Variants in PTPRK observed in about 807,000 individuals in gnomAD.
PTPRK encodes the protein protein tyrosine phosphatase receptor type K, also known as receptor-type tyrosine-protein phosphatase kappa.
In PTPRK, 75 loss-of-function variants were observed where a neutral mutation model predicts 178.0. That is an observed-to-expected ratio of 0.42 (90% CI 0.35 to 0.51). The LOEUF is 0.51. Ranked by LOEUF, PTPRK falls within the 20% of genes least tolerant of loss-of-function variation. PTPRK has a pLI of 0.02. For missense variants in PTPRK, 1,441 were observed against 1,797.8 expected (o/e 0.80, Z 3.59); for synonymous variants, 637 against 620.6 (o/e 1.03, Z -0.39).
At chr6:128,245,267 A>AAAG (rs59766496) in intron 3 of PTPRK, among the ~76,000 whole-genome samples, 15,330 of 152,196 alleles carry the variant, frequency 0.1, 1,710 homozygotes, top group East Asian at 0.34. Flanking sequence ...TTCTCAAGAA[A>AAAG]AAGAAGACAC....
In PTPRK at chr6:128,218,895, C is replaced by T. The variant is rs201410664; in HGVS notation, c.868+27G>A. On this transcript the variant is annotated intron_variant, in intron 6 of 29. Transcript: ENST00000368226. ...TTGTTCTAATAAAGCCATGCAATTT[C>T]GTGAAGTGAAAACAATTTCACCTTA... 6.5e-4 allele frequency: 1,022 copies of T among 1,561,910 alleles called. 9 individuals are homozygous for T. In the South Asian group the frequency reaches 0.011, roughly 17 times the overall value.
intron 3 of PTPRK, among the ~76,000 whole-genome samples, chr6:128,258,158 C>G (rs1355556055): frequency 6.6e-6 from 1 of 152,062 alleles, no homozygotes; most frequent in Non-Finnish European, 1.5e-5. Context: ...ATTTTATTCT[C>G]TTTAAGAAAT....
chr6:128,082,758 C>G, intron 9 of PTPRK, 120 bp from the exon 10 acceptor site: 1 of 666,354 alleles, frequency 1.5e-6, no homozygotes, highest in Non-Finnish European at 2.4e-6. Context: ...TAATTTTTTT[C>G]TTCTTTTCTT....
intron 1 of PTPRK, among the ~76,000 whole-genome samples, chr6:128,457,836 C>A (rs1324923027): frequency 6.6e-6 from 1 of 152,138 alleles, no homozygotes; most frequent in Non-Finnish European, 1.5e-5. Context: ...GCCTGATCTT[C>A]ATAAGGTACT....
At chr6:128,042,701 C>T (rs1049095274) in intron 13 of PTPRK, among the ~76,000 whole-genome samples, 4 of 152,048 alleles carry the variant, frequency 2.6e-5, no homozygotes, top group African/African-American at 7.2e-5. Flanking sequence ...AACATCTTTA[C>T]AGCATCTGGG....
intron 1 of PTPRK, among the ~76,000 whole-genome samples, chr6:128,420,058 C>T (rs1198693567): frequency 6.6e-6 from 1 of 152,146 alleles, no homozygotes. Context: ...TGTATAAGAT[C>T]TACTATATTG....
intron 1 of PTPRK, among the ~76,000 whole-genome samples, chr6:128,435,297 A>G (rs569889495): frequency 6.6e-6 from 1 of 152,346 alleles, no homozygotes; most frequent in Non-Finnish European, 1.5e-5. Context: ...TTCAAACTTT[A>G]TAATTTTCAA....
At chr6:128,097,012 C>T (rs922398366) in intron 7 of PTPRK, among the ~76,000 whole-genome samples, 2 of 152,100 alleles carry the variant, frequency 1.3e-5, no homozygotes, top group African/African-American at 4.8e-5. Flanking sequence ...TGAGGATAAT[C>T]AAGGTTTTAC....
At chr6:128,342,665 T>C (rs944044390) in intron 2 of PTPRK, among the ~76,000 whole-genome samples, 3 of 152,144 alleles carry the variant, frequency 2.0e-5, no homozygotes, top group African/African-American at 7.2e-5. Flanking sequence ...TATATAGAAG[T>C]GTATTGTAAA....
At chr6:128,418,318 G>A (rs1208532611) in intron 1 of PTPRK, among the ~76,000 whole-genome samples, 2 of 152,148 alleles carry the variant, frequency 1.3e-5, no homozygotes, top group East Asian at 1.9e-4. Context: ...TCCTAAAGCA[G>A]GGGTCCCTAA....
chr6:128,431,026 C>G (rs989209551), intron 1 of PTPRK, among the ~76,000 whole-genome samples: 1 of 148,614 alleles, frequency 6.7e-6, no homozygotes, highest in African/African-American at 2.5e-5. Flanking sequence ...GCAACCTCTA[C>G]CTCTCAAGTT....
intron 2 of PTPRK, among the ~76,000 whole-genome samples, chr6:128,337,848 C>T (rs1486205488): frequency 6.6e-6 from 1 of 151,902 alleles, no homozygotes; most frequent in Admixed American, 6.6e-5. Context: ...TGAGCTGTGA[C>T]CTGAAGAATG....
At chr6:127,996,069 A>G (rs1347741604) in intron 17 of PTPRK, among the ~76,000 whole-genome samples, 1 of 152,060 alleles carries the variant, frequency 6.6e-6, no homozygotes, top group African/African-American at 2.4e-5. Context: ...AAGTTAAACT[A>G]TCTGCTACTT....
chr6:128,089,922 T>C lies in PTPRK; in HGVS notation c.1233A>G (p.Glu411=), dbSNP rs748482396. Residue 411 remains glutamate (E), a synonymous_variant, in exon 8 of 30, where the codon GAA becomes GAG. Transcript: ENST00000368226. ...IQARRIAVDW[E]SLGYNITRCH... Reference sequence around the variant, plus strand: ...AACGCGTAATGTTGTAACCCAAGGATTCCCAGTCCACAGCAATCCGTCTTG... The same window carrying C: ...AACGCGTAATGTTGTAACCCAAGGACTCCCAGTCCACAGCAATCCGTCTTG... The C allele has an allele frequency of 6.2e-6, 10 of 1,612,282 alleles. No homozygotes were observed. The highest frequency in any genetic ancestry group is 6.8e-6 in the Non-Finnish European group (8 of 1,178,312).
chr6:128,357,309 C>G (rs1834094198), intron 2 of PTPRK, among the ~76,000 whole-genome samples: 1 of 152,168 alleles, frequency 6.6e-6, no homozygotes, highest in Non-Finnish European at 1.5e-5. Flanking sequence ...AGCTATGGAT[C>G]AGAGTTCAGA....
chr6:128,295,954 T>A (rs974962081), intron 3 of PTPRK, among the ~76,000 whole-genome samples: 3 of 152,148 alleles, frequency 2.0e-5, no homozygotes, highest in Non-Finnish European at 4.4e-5. Context: ...TTACAGAGTG[T>A]GCTCTAAAGA....
At chr6:128,325,068 A>AAC (rs1178886770) in intron 2 of PTPRK, among the ~76,000 whole-genome samples, 2 of 152,188 alleles carry the variant, frequency 1.3e-5, no homozygotes, top group Admixed American at 1.3e-4. Context: ...GGCTTAATAA[A>AAC]ACATCTATGT....
At chr6:127,981,036 A>G (rs1287598138) in intron 25 of PTPRK, 80 bp downstream of exon 25, 1 of 1,308,130 alleles carries the variant, frequency 7.6e-7, no homozygotes, top group African/African-American at 1.5e-5. Flanking sequence ...AATTTCCTCG[A>G]AAAGAAAACT....
At chr6:127,974,380 C>G (rs1583465048) in intron 27 of PTPRK, among the ~76,000 whole-genome samples, 1 of 152,172 alleles carries the variant, frequency 6.6e-6, no homozygotes, top group East Asian at 1.9e-4. Context: ...TCTTTTAATC[C>G]ATATATCAAG....
Sources: allele counts gnomAD v4.1 joint callset (sites outside exome capture counted in the v4.1 genomes callset), GRCh38; gene constraint gnomAD v4.1.1; transcripts MANE v1.5; gene names NCBI Gene and HGNC (gene_info 2026-07-23, HGNC 2026-07-21).